ROBO2: variants seen among roughly 807,000 people sequenced by gnomAD.
ROBO2 encodes roundabout homolog 2.
A neutral mutation model predicts 160.8 loss-of-function variants in ROBO2; 53 were observed. That is an observed-to-expected ratio of 0.33 (90% CI 0.26 to 0.41). The LOEUF is 0.41. ROBO2 is among the 10% of genes least tolerant of loss of function. The pLI, the probability that ROBO2 is intolerant of heterozygous loss-of-function variation, is 1.00. For missense variants in ROBO2, 1,577 were observed against 1,722.4 expected (o/e 0.92, Z 1.49); for synonymous variants, 664 against 611.7 (o/e 1.09, Z -1.26).
chr3:76,875,783 A>G lies in ROBO2; in HGVS notation c.110-222231A>G, dbSNP rs1036322512. On this transcript the variant is annotated intron_variant, in intron 2 of 26. Transcript: ENST00000487694. ...AATTCTCCGCCTCCACCTCTCAAGT[A>G]TCTGGGATTATAGGTGCCTGCTACC... 5.9e-5 allele frequency among the ~76,000 whole-genome samples: 9 copies of G among 152,180 alleles called. No individual in the cohort carries two copies. The South Asian group carries it at 6.2e-4, about 11-fold the overall frequency.
chr3:76,322,163 C>CATATAT lies in ROBO2; in HGVS notation c.109+384561_109+384562insATATAT, dbSNP rs1559761091. ...TATTTGAAATGATTTCTACTTCTTC[C>CATATAT]GTATATATATATATATATATATATA... On this transcript the variant is annotated intron_variant, in intron 2 of 26. Coordinates refer to the ROBO2 transcript ENST00000487694. Among the ~76,000 whole-genome samples the CATATAT allele has an allele frequency of 4.1e-3, 163 of 40,130 alleles. 1 individual carries two copies. The highest frequency in any genetic ancestry group is 0.012 in the South Asian group (9 of 778). The allele number at this position is 40,130 out of a possible 152,430, so 26.3% of individuals were successfully genotyped here.
At chr3:76,478,713 A>C (rs1158532561) in intron 2 of ROBO2, among the ~76,000 whole-genome samples, 1 of 133,262 alleles carries the variant, frequency 7.5e-6, no homozygotes, top group African/African-American at 2.9e-5. Flanking sequence ...AGACATGCTC[A>C]CTCTCTCAGC....
At chr3:76,617,958 T>C (rs745841452) in intron 2 of ROBO2, among the ~76,000 whole-genome samples, 1 of 151,516 alleles carries the variant, frequency 6.6e-6, no homozygotes, top group African/African-American at 2.4e-5. Flanking sequence ...GTGGGAGTTA[T>C]GGGAACTACA....
chr3:76,424,401 G>A (rs2108956321), intron 2 of ROBO2, among the ~76,000 whole-genome samples: 1 of 152,174 alleles, frequency 6.6e-6, no homozygotes, highest in South Asian at 2.1e-4. Context: ...AAATAAGCCA[G>A]ATACAGAAAG....
At chr3:77,125,017 C>G (rs754675837) in intron 2 of ROBO2, among the ~76,000 whole-genome samples, 33 of 151,682 alleles carry the variant, frequency 2.2e-4, no homozygotes, top group Non-Finnish European at 2.9e-5. Flanking sequence ...TGATTATATC[C>G]TCATATTCCA....
intron 2 of ROBO2, among the ~76,000 whole-genome samples, chr3:76,995,000 G>A (rs1469370320): frequency 3.3e-5 from 5 of 151,654 alleles, no homozygotes; most frequent in Non-Finnish European, 7.4e-5. Flanking sequence ...TGCACAACGT[G>A]CAGGTTTGTT....
intron 2 of ROBO2, among the ~76,000 whole-genome samples, chr3:76,011,421 C>T (rs183450803): frequency 2.6e-5 from 4 of 152,176 alleles, no homozygotes; most frequent in Non-Finnish European, 5.9e-5. Flanking sequence ...CACTTTTAAA[C>T]CCCTGCCCTC....
intron 2 of ROBO2, among the ~76,000 whole-genome samples, chr3:76,717,844 G>A (rs573948719): frequency 3.3e-5 from 5 of 152,148 alleles, no homozygotes; most frequent in Admixed American, 6.5e-5. Flanking sequence ...TAACACAGAG[G>A]ATCACAAAAT....
chr3:76,666,453 A>C (rs2092050289), intron 2 of ROBO2, among the ~76,000 whole-genome samples: 1 of 152,092 alleles, frequency 6.6e-6, no homozygotes, highest in African/African-American at 2.4e-5. Context: ...TTTCATTTTT[A>C]TTTTATATCG....
At chr3:77,625,271 C>A (rs1003525473) in intron 23 of ROBO2, among the ~76,000 whole-genome samples, 1 of 152,102 alleles carries the variant, frequency 6.6e-6, no homozygotes, top group African/African-American at 2.4e-5. Flanking sequence ...AAACACCTAT[C>A]GAATGCCTAT....
At chr3:77,337,326 G>GA (rs1173987253) in intron 2 of ROBO2, among the ~76,000 whole-genome samples, 1 of 152,040 alleles carries the variant, frequency 6.6e-6, no homozygotes, top group Non-Finnish European at 1.5e-5. Context: ...TTTGCCCTAA[G>GA]AAAAATGGCA....
Position 77,634,416 on chromosome 3 carries a change from T to C in ROBO2, c.3761-454T>C, listed in dbSNP as rs2095228328. 4 of 185,330 alleles carry C rather than the reference T, an allele frequency of 2.2e-5. No individual in the cohort carries two copies. The Admixed American group carries it at 2.2e-4, about 10-fold the overall frequency. 11.5% of individuals were successfully genotyped at this position (185,330 alleles called of 1,614,324 possible). ...TCAGATGTAATTACTATATGACATTTTTCTGTGTTCAGAGAGATTTTGTAA... is the reference window on the plus strand; with the variant it reads ...TCAGATGTAATTACTATATGACATTCTTCTGTGTTCAGAGAGATTTTGTAA... On this transcript the variant is annotated intron_variant, in intron 23 of 25. Transcript: ENST00000461745.
chr3:76,212,086 A>G (rs545154346), intron 2 of ROBO2, among the ~76,000 whole-genome samples: 1 of 152,120 alleles, frequency 6.6e-6, no homozygotes, highest in Non-Finnish European at 1.5e-5. Context: ...ATTTTTGAAA[A>G]AAAGGAATTA....
At chr3:76,010,428 G>A (rs778375695) in intron 2 of ROBO2, among the ~76,000 whole-genome samples, 12 of 152,190 alleles carry the variant, frequency 7.9e-5, no homozygotes, top group Non-Finnish European at 1.6e-4. Context: ...TGATTTCCCT[G>A]CATATTGCTG....
At chr3:76,622,216 AAGG>A (rs1560251394) in intron 2 of ROBO2, among the ~76,000 whole-genome samples, 6 of 46,050 alleles carry the variant, frequency 1.3e-4, no homozygotes, top group African/African-American at 5.0e-4. Flanking sequence ...GGAAGGAAGG[AAGG>A]AAGGAAGGAA....
chr3:77,211,256 G>T (rs1313301224), intron 2 of ROBO2, among the ~76,000 whole-genome samples: 1 of 152,004 alleles, frequency 6.6e-6, no homozygotes, highest in Admixed American at 6.6e-5. Context: ...ACCTGTTGTT[G>T]CCTGACTTTT....
chr3:77,429,433 C>T (rs898274405), intron 2 of ROBO2, among the ~76,000 whole-genome samples: 1 of 152,082 alleles, frequency 6.6e-6, no homozygotes, highest in African/African-American at 2.4e-5. Context: ...CTTCCTCAGA[C>T]TTGATTGGAA....
intron 2 of ROBO2, among the ~76,000 whole-genome samples, chr3:77,397,386 G>T (rs1455493699): frequency 6.6e-6 from 1 of 152,108 alleles, no homozygotes; most frequent in Non-Finnish European, 1.5e-5. Context: ...AGAGATATTT[G>T]TTTCTATAGT....
intron 2 of ROBO2, among the ~76,000 whole-genome samples, chr3:76,061,294 A>G (rs894031284): frequency 6.6e-6 from 1 of 152,204 alleles, no homozygotes; most frequent in African/African-American, 2.4e-5. Flanking sequence ...TCTCATGGTC[A>G]GCAACCAAGT....
Sources: allele counts gnomAD v4.1 joint callset (sites outside exome capture counted in the v4.1 genomes callset), GRCh38; gene constraint gnomAD v4.1.1; transcripts MANE v1.5; gene names NCBI Gene and HGNC (gene_info 2026-07-23, HGNC 2026-07-21).